The following SIRPD variants were observed in gnomAD, a reference collection of about 807,000 sequenced individuals.
SIRPD encodes signal regulatory protein delta, also known as signal-regulatory protein delta.
SIRPD carries 21 observed loss-of-function variants against 18.0 expected under a neutral mutation model. That is an observed-to-expected ratio of 1.17 (90% CI 0.83 to 1.68). SIRPD has a LOEUF of 1.68. Ranked by LOEUF, SIRPD falls within the 40% of genes most tolerant of loss-of-function variation. The probability of loss-of-function intolerance (pLI) is 0.00; values close to 1 mark genes in which losing one functional copy is unlikely to be tolerated. For synonymous variants in SIRPD, 106 were observed against 92.9 expected, an observed-to-expected ratio of 1.14 and a Z score of -0.81; for missense variants, 295 against 238.4, an observed-to-expected ratio of 1.24 and a Z score of -1.56.
chr20:1,545,507 C>T (rs535660558), intron 2 of SIRPD, among the ~76,000 whole-genome samples: 6 of 152,294 alleles, frequency 3.9e-5, no homozygotes, highest in Non-Finnish European at 7.4e-5. Flanking sequence ...TTCTAGTTAG[C>T]AGTTCCTGCA....
Position 1,551,945 on chromosome 20 carries a change from G to C in SIRPD, c.167C>G (p.Thr56Ser), listed in dbSNP as rs777244463. 6.2e-7 allele frequency: 1 copy of C among 1,614,076 alleles called. No homozygotes were observed. The highest frequency in any genetic ancestry group is 8.5e-7 in the Non-Finnish European group (1 of 1,179,996). ...SIILSCSVPN[T>S]LPNGPVLWFK... ...CCACAAGACAGGTCCATTTGGTAAG[G>C]TATTGGGTACGCTGCAACTCAAGAT... The change falls in exon 2 of 4, where the codon ACC becomes AGC. Residue 56 changes from threonine (T) to serine (S), a missense_variant. Coordinates refer to ENST00000381623, the MANE Select transcript of SIRPD (RefSeq NM_178460.3).
chr20:1,537,928 G>A (rs1034138085), intron 2 of SIRPD, among the ~76,000 whole-genome samples: 2 of 152,152 alleles, frequency 1.3e-5, no homozygotes, highest in Non-Finnish European at 2.9e-5. Context: ...CAGGAACAGT[G>A]ACATGCAGAA....
rs747823887 is a variant in SIRPD at position 1,551,870 on chromosome 20, C to T, written c.242G>A (p.Gly81Asp). 3.1e-6 allele frequency: 5 copies of T among 1,613,912 alleles called. No individual in the cohort carries two copies. The African/African-American group carries it at 6.7e-5, about 22-fold the overall frequency. ...AATCTCTTTTACTCTGGGAAAGTTA[C>T]CTTGTTTGAAATTGTAGATTAATTT... ...NRKLIYNFKQ[G>D]NFPRVKEIGD... Residue 81 changes from glycine (G) to aspartate (D), a missense_variant, in exon 2 of 4, where the codon GGT becomes GAT. Transcript: ENST00000381623.
At chr20:1,548,235 A>G (rs1265964398) in intron 2 of SIRPD, among the ~76,000 whole-genome samples, 3 of 152,188 alleles carry the variant, frequency 2.0e-5, no homozygotes, top group African/African-American at 4.8e-5. Context: ...GATGTTAGCT[A>G]TGGGTTTTGC....
At chr20:1,536,138 C>T (rs561125118) in intron 3 of SIRPD, among the ~76,000 whole-genome samples, 5 of 152,318 alleles carry the variant, frequency 3.3e-5, no homozygotes, top group South Asian at 2.1e-4. Flanking sequence ...GGACTATTTT[C>T]GTGGGCTCAT....
chr20:1,542,020 C>A lies in SIRPD; in HGVS notation c.422-4710G>T, dbSNP rs187145509. Among the ~76,000 whole-genome samples, 136 of 152,246 alleles carry A rather than the reference C, an allele frequency of 8.9e-4. 1 individual carries two copies. In the Middle Eastern group the frequency reaches 0.01, roughly 11 times the overall value. ...TATATATCTGTTTTCATATCAGTACCATGCTGTTTTGGTTACTGTAGCACT... is the reference window on the plus strand; with the variant it reads ...TATATATCTGTTTTCATATCAGTACAATGCTGTTTTGGTTACTGTAGCACT... On this transcript the variant is annotated intron_variant, in intron 2 of 3. Coordinates refer to ENST00000381623, the MANE Select transcript of SIRPD (RefSeq NM_178460.3).
intron 2 of SIRPD, among the ~76,000 whole-genome samples, chr20:1,550,555 G>A (rs1476742574): frequency 6.6e-6 from 1 of 152,166 alleles, no homozygotes; most frequent in Non-Finnish European, 1.5e-5. Flanking sequence ...CAATCCTTTA[G>A]TCCCTGGTTC....
intron 1 of SIRPD, among the ~76,000 whole-genome samples, chr20:1,552,917 G>T (rs1221794980): frequency 6.6e-6 from 1 of 152,172 alleles, no homozygotes; most frequent in Admixed American, 6.5e-5. Context: ...AATGTGTCTG[G>T]ATTCAAGGGA....
chr20:1,542,611 C>T (rs966912609), intron 2 of SIRPD, among the ~76,000 whole-genome samples: 1 of 152,158 alleles, frequency 6.6e-6, no homozygotes, highest in African/African-American at 2.4e-5. Context: ...TCCTCTCTTC[C>T]TATTTGAATA....
At chr20:1,542,390 C>G (rs1038931364) in intron 2 of SIRPD, among the ~76,000 whole-genome samples, 1 of 152,050 alleles carries the variant, frequency 6.6e-6, no homozygotes, top group Admixed American at 6.5e-5. Context: ...ATTTTATTCT[C>G]TTAGTAGCAA....
At chr20:1,555,842 T>A (rs757716188) in intron 1 of SIRPD, among the ~76,000 whole-genome samples, 64 of 152,378 alleles carry the variant, frequency 4.2e-4, no homozygotes, top group Non-Finnish European at 7.6e-4. Context: ...CAGATATAGC[T>A]TAGCTGGGTT....
At chr20:1,556,973 C>T (rs2091043950) in intron 1 of SIRPD, among the ~76,000 whole-genome samples, 1 of 152,152 alleles carries the variant, frequency 6.6e-6, no homozygotes, top group Non-Finnish European at 1.5e-5. Flanking sequence ...CTGCCAGGGG[C>T]CAGGTGTGGT....
intron 1 of SIRPD, 62 bp downstream of exon 1, chr20:1,557,519 A>T: frequency 7.4e-7 from 1 of 1,354,636 alleles, no homozygotes; most frequent in South Asian, 1.7e-5. Context: ...CAGGTGAGGG[A>T]GAGTTCACTA....
intron 2 of SIRPD, among the ~76,000 whole-genome samples, chr20:1,543,058 C>T (rs1419802195): frequency 1.3e-5 from 2 of 152,080 alleles, no homozygotes; most frequent in East Asian, 1.9e-4. Context: ...ATTTTTGCAT[C>T]GATGTGTTCA....
intron 2 of SIRPD, among the ~76,000 whole-genome samples, chr20:1,551,307 G>A (rs1444043647): frequency 6.6e-6 from 1 of 152,182 alleles, no homozygotes; most frequent in Non-Finnish European, 1.5e-5. Context: ...ACAAAGGGAA[G>A]AATTACTTTA....
intron 2 of SIRPD, among the ~76,000 whole-genome samples, chr20:1,544,259 G>A (rs1224850336): frequency 4.6e-5 from 7 of 152,092 alleles, no homozygotes; most frequent in Admixed American, 4.6e-4. Context: ...GTCTTTGTAG[G>A]TCTCTAAGAA....
chr20:1,554,202 C>G (rs1250428369), intron 1 of SIRPD: 1 of 152,652 alleles, frequency 6.6e-6, no homozygotes, highest in African/African-American at 2.4e-5. Context: ...GGGGACAGAG[C>G]AGACATATTG....
chr20:1,538,838 G>A (rs972151505), intron 2 of SIRPD, among the ~76,000 whole-genome samples: 28 of 152,212 alleles, frequency 1.8e-4, no homozygotes, highest in Admixed American at 1.8e-3. Context: ...TTTCCCAACT[G>A]AGACCCCAGG....
At chr20:1,540,196 T>C (rs2090964696) in intron 2 of SIRPD, 2 of 432,592 alleles carry the variant, frequency 4.6e-6, no homozygotes, top group Admixed American at 5.3e-5. Flanking sequence ...AGGCCAGGGA[T>C]GCTGGCAGCA....
Sources: gnomAD v4.1 joint callset for allele counts (sites outside exome capture counted in the v4.1 genomes callset) on GRCh38, gnomAD v4.1.1 for gene constraint, MANE v1.5 for transcripts, NCBI Gene and HGNC (gene_info 2026-07-23, HGNC 2026-07-21) for gene names.